Variants in RGL1 observed in about 807,000 individuals in gnomAD.
RGL1 encodes ral guanine nucleotide dissociation stimulator like 1.
A neutral mutation model predicts 95.2 loss-of-function variants in RGL1; 24 were observed. The observed-to-expected ratio is 0.25, with a 90% confidence interval of 0.18 to 0.35. RGL1 has a LOEUF of 0.35. Among genes scored for constraint, RGL1 ranks in the 10% least tolerant of loss-of-function variants. RGL1 has a pLI of 1.00. For synonymous variants in RGL1, 329 were observed against 344.9 expected (o/e 0.95, Z 0.51); for missense variants, 715 against 936.3 (o/e 0.76, Z 3.08).
chr1:183,720,653 T>G (rs917471346), intron 1 of RGL1, among the ~76,000 whole-genome samples: 1 of 152,214 alleles, frequency 6.6e-6, no homozygotes, highest in Non-Finnish European at 1.5e-5. Flanking sequence ...AGTTAGGGAC[T>G]GTGGCTCTTT....
intron 2 of RGL1, among the ~76,000 whole-genome samples, chr1:183,833,572 T>C (rs1301418074): frequency 2.6e-5 from 4 of 152,208 alleles, no homozygotes; most frequent in African/African-American, 9.6e-5. Flanking sequence ...GATCCATAAA[T>C]GTATCTTGTT....
intron 2 of RGL1, among the ~76,000 whole-genome samples, chr1:183,832,848 A>C (rs1663353817): frequency 6.6e-6 from 1 of 152,230 alleles, no homozygotes. Flanking sequence ...ATTCTTGAGA[A>C]AATGATGTTT....
chr1:183,826,214 C>T (rs1662844925), intron 2 of RGL1, among the ~76,000 whole-genome samples: 1 of 152,074 alleles, frequency 6.6e-6, no homozygotes, highest in Non-Finnish European at 1.5e-5. Context: ...CCACCACACC[C>T]AGCTAAGTTT....
chr1:183,680,282 G>T (rs576889173), intron 1 of RGL1, among the ~76,000 whole-genome samples: 1 of 152,238 alleles, frequency 6.6e-6, no homozygotes, highest in South Asian at 2.1e-4. Flanking sequence ...TAGTCATGAA[G>T]TCTTTTCCCA....
intron 2 of RGL1, among the ~76,000 whole-genome samples, chr1:183,829,327 AGC>A: frequency 6.6e-6 from 1 of 152,186 alleles, no homozygotes; most frequent in South Asian, 2.1e-4. Flanking sequence ...CTGTAGTCCC[AGC>A]TATTCAGGAA....
chr1:183,860,058 T>G (rs753722981), intron 3 of RGL1, among the ~76,000 whole-genome samples: 9 of 152,328 alleles, frequency 5.9e-5, no homozygotes, highest in Non-Finnish European at 8.8e-5. Context: ...GAACATTTTT[T>G]TCATACCTGA....
At chr1:183,832,543 A>G (rs375971890) in intron 2 of RGL1, among the ~76,000 whole-genome samples, 1 of 152,210 alleles carries the variant, frequency 6.6e-6, no homozygotes, top group African/African-American at 2.4e-5. Flanking sequence ...GGTTGTGGTT[A>G]GAAATGTTTC....
intron 2 of RGL1, among the ~76,000 whole-genome samples, chr1:183,787,184 G>A (rs1334970658): frequency 6.6e-6 from 1 of 152,182 alleles, no homozygotes; most frequent in Admixed American, 6.5e-5. Flanking sequence ...TGCCCGGTCT[G>A]TGATGGCCTC....
chr1:183,650,268 GC>G (rs1161939108), intron 1 of RGL1, among the ~76,000 whole-genome samples: 2 of 143,606 alleles, frequency 1.4e-5, no homozygotes, highest in African/African-American at 5.6e-5. Flanking sequence ...ATTCGGCCAG[GC>G]GTGGTGGCTC....
rs950295964 is a variant in RGL1, at chr1:183,693,269, A to G, written c.-32-48857A>G. On this transcript the variant is annotated intron_variant, in intron 1 of 18. Transcript: ENST00000304685. ...GTGCCCAGCCAGAAATGTTTAATATATCAAATATACACAACAGAACAAAGT... is the reference window on the plus strand; with the variant it reads ...GTGCCCAGCCAGAAATGTTTAATATGTCAAATATACACAACAGAACAAAGT... Among the ~76,000 whole-genome samples, 8 of 152,088 alleles carry G rather than the reference A, an allele frequency of 5.3e-5. No homozygotes were observed. The South Asian group carries it at 1.0e-3, about 20-fold the overall frequency.
intron 2 of RGL1, among the ~76,000 whole-genome samples, chr1:183,845,394 A>G (rs1190774512): frequency 6.6e-6 from 1 of 152,166 alleles, no homozygotes; most frequent in Non-Finnish European, 1.5e-5. Context: ...CTTCATTTTA[A>G]TTCTCTTCCC....
chr1:183,648,490 G>T (rs753098454), intron 1 of RGL1: 4 of 1,614,192 alleles, frequency 2.5e-6, no homozygotes, highest in Non-Finnish European at 3.4e-6. Flanking sequence ...ATTTCAAAGA[G>T]CATTGATTCT....
intron 3 of RGL1, among the ~76,000 whole-genome samples, chr1:183,865,288 A>C (rs916302839): frequency 2.0e-5 from 3 of 152,106 alleles, no homozygotes; most frequent in Non-Finnish European, 2.9e-5. Context: ...GTAATGAGAA[A>C]ATTTTTAAAA....
intron 1 of RGL1, among the ~76,000 whole-genome samples, chr1:183,737,047 C>G (rs76392630): frequency 0.015 from 2,332 of 152,112 alleles, 76 homozygotes; most frequent in African/African-American, 0.054. Context: ...CAATAAATTA[C>G]AAAATGATGT....
intron 2 of RGL1, among the ~76,000 whole-genome samples, chr1:183,829,078 A>G (rs1268418831): frequency 6.6e-6 from 1 of 152,142 alleles, no homozygotes; most frequent in African/African-American, 2.4e-5. Context: ...TTCTTCAGTT[A>G]CAGGGATTTG....
intron 1 of RGL1, among the ~76,000 whole-genome samples, chr1:183,729,434 C>T (rs1308169752): frequency 6.6e-6 from 1 of 152,070 alleles, no homozygotes; most frequent in Non-Finnish European, 1.5e-5. Context: ...TCCGTTAGAA[C>T]ATTAGAGTGG....
At position 183,806,485 on chromosome 1, in the gene RGL1, G is replaced by A; in HGVS notation, c.138G>A (p.Gly46=). 1 of 1,606,036 alleles carries A rather than the reference G, an allele frequency of 6.2e-7. No individual in the cohort carries two copies. The highest frequency in any genetic ancestry group is 8.5e-7 in the Non-Finnish European group (1 of 1,172,808). The change falls in exon 2 of 18, where the codon GGG becomes GGA. Residue 46 remains glycine, a splice_region_variant and synonymous_variant. Coordinates refer to ENST00000360851, the MANE Select transcript of RGL1 (RefSeq NM_001297671.3). ...QAANKGARWL[G]VEGDQLPPGH... ...CCAATAAAGGAGCAAGATGGCTAGG[G>A]GTGAGTAAAGCTGGCGAGATGGTGA...
chr1:183,811,456 C>T (rs1661707349), intron 2 of RGL1, among the ~76,000 whole-genome samples: 2 of 152,246 alleles, frequency 1.3e-5, no homozygotes, highest in South Asian at 4.1e-4. Context: ...AAAACAGGCC[C>T]TTGGGTTGCA....
intron 2 of RGL1, among the ~76,000 whole-genome samples, chr1:183,799,376 A>G (rs775778872): frequency 1.3e-5 from 2 of 152,194 alleles, no homozygotes; most frequent in Non-Finnish European, 2.9e-5. Flanking sequence ...TTAATTTTTT[A>G]GGAATCACCA....
Sources: allele counts gnomAD v4.1 joint callset (sites outside exome capture counted in the v4.1 genomes callset), GRCh38; gene constraint gnomAD v4.1.1; transcripts MANE v1.5; gene names NCBI Gene and HGNC (gene_info 2026-07-23, HGNC 2026-07-21).